The following ASCC3 variants were observed in gnomAD, a reference collection of about 807,000 sequenced individuals.
ASCC3 encodes the protein ASC-1 complex subunit P200.
Under a neutral mutation model 256.3 loss-of-function variants are expected in ASCC3, and 158 were observed. The observed-to-expected ratio is 0.62, with a 90% CI of 0.54 to 0.70. ASCC3 has a LOEUF of 0.70. Among genes scored for constraint, ASCC3 ranks in the 30% least tolerant of loss-of-function variants. The probability of loss-of-function intolerance (pLI) is 0.00; values close to 1 mark genes in which losing one functional copy is unlikely to be tolerated. For missense variants in ASCC3, 2,259 were observed against 2,626.0 expected, an observed-to-expected ratio of 0.86 and a Z score of 3.05; for synonymous variants, 948 against 883.4, an observed-to-expected ratio of 1.07 and a Z score of -1.30.
In ASCC3 at chr6:100,605,794, A is replaced by C. The variant is rs1274009668; in HGVS notation, c.5045-94T>G. Reference sequence around the variant, plus strand: ...GGCATGCTTCTATAATCAACCAAATAACAAAAGAAATAGAATATTGTGATA... The same window carrying C: ...GGCATGCTTCTATAATCAACCAAATCACAAAAGAAATAGAATATTGTGATA... On this transcript the variant is annotated intron_variant, in intron 32 of 41. Transcript: ENST00000369162. 8.1e-6 allele frequency: 11 copies of C among 1,360,326 alleles called. No individual in the cohort carries two copies. The Admixed American group carries it at 2.0e-4, about 25-fold the overall frequency. 84.3% of individuals were successfully genotyped at this position (1,360,326 alleles called of 1,614,324 possible).
chr6:100,691,631 A>G (rs1320442504), intron 13 of ASCC3, among the ~76,000 whole-genome samples: 1 of 152,018 alleles, frequency 6.6e-6, no homozygotes, highest in Non-Finnish European at 1.5e-5. Context: ...TTTATAACAT[A>G]CAGAAGAAAA....
chr6:100,775,451 ATAAATTGTGGCCGAGACGGGACC>A (rs1241398389), intron 8 of ASCC3, among the ~76,000 whole-genome samples: 2 of 152,150 alleles, frequency 1.3e-5, no homozygotes, highest in African/African-American at 4.8e-5. Context: ...TACCCTGCTA[ATAAATTGTGGCCGAGACGGGACC>A]TAAACTCAGT....
chr6:100,697,727 T>C (rs1344438924), intron 13 of ASCC3, among the ~76,000 whole-genome samples: 1 of 152,002 alleles, frequency 6.6e-6, no homozygotes, highest in East Asian at 1.9e-4. Flanking sequence ...CCCATCAATA[T>C]GACAATTGGA....
At chr6:100,857,543 T>G (rs961159309) in intron 3 of ASCC3, 16 of 152,040 alleles carry the variant, frequency 1.1e-4, no homozygotes, top group African/African-American at 3.9e-4. Context: ...TTAAAATTAT[T>G]TGTAAAATAG....
chr6:100,823,963 A>T, intron 4 of ASCC3, among the ~76,000 whole-genome samples: 1 of 152,190 alleles, frequency 6.6e-6, no homozygotes, highest in Non-Finnish European at 1.5e-5. Context: ...ACAAAATTAG[A>T]AGTAATGTTA....
rs149019597 is a variant in ASCC3, at chr6:100,718,159, T to C, written c.1995A>G (p.Pro665=). 2.9e-5 allele frequency: 47 copies of C among 1,613,718 alleles called. No homozygotes were observed. The African/African-American group carries it at 4.9e-4, about 17-fold the overall frequency. The change falls in exon 12 of 42, where the codon CCA becomes CCG. Residue 665 remains proline (P), a synonymous_variant. Coordinates refer to ENST00000369162, the MANE Select transcript of ASCC3 (RefSeq NM_006828.4). The part of the protein sequence containing the change: ...LDVATFLHVN[P]YIGLFFFDGR... The stretch of plus-strand genomic sequence containing the variant: ...CATCAAAGAAGAAAAGTCCAATGTA[T>C]GGATTAACATGTAAAAATGTGGCAA...
chr6:100,823,185 T>C (rs1262104887), intron 4 of ASCC3, among the ~76,000 whole-genome samples: 1 of 152,192 alleles, frequency 6.6e-6, no homozygotes, highest in East Asian at 1.9e-4. Context: ...ACATTTGCCA[T>C]TTTCATCCAC....
intron 32 of ASCC3, among the ~76,000 whole-genome samples, chr6:100,606,507 A>G (rs1772894783): frequency 6.6e-6 from 1 of 152,152 alleles, no homozygotes; most frequent in African/African-American, 2.4e-5. Context: ...AATAACAAGT[A>G]CTTTAAGCCA....
At chr6:100,737,141 C>T (rs373818578) in intron 10 of ASCC3, among the ~76,000 whole-genome samples, 85 of 84,962 alleles carry the variant, frequency 1.0e-3, no homozygotes, top group Admixed American at 4.3e-3. Context: ...AGTGAGACTC[C>T]GTCTATTTAA....
intron 36 of ASCC3, among the ~76,000 whole-genome samples, chr6:100,583,293 C>A (rs945683979): frequency 6.6e-6 from 1 of 152,196 alleles, no homozygotes; most frequent in Non-Finnish European, 1.5e-5. Context: ...AGAGATTCAA[C>A]TTCTTCCTGG....
intron 4 of ASCC3, among the ~76,000 whole-genome samples, chr6:100,815,239 C>A (rs892161607): frequency 1.3e-5 from 2 of 151,972 alleles, no homozygotes; most frequent in Non-Finnish European, 2.9e-5. Context: ...AAAGGAACTA[C>A]AAAACACTGC....
intron 14 of ASCC3, among the ~76,000 whole-genome samples, chr6:100,676,899 A>C (rs572681216): frequency 6.6e-6 from 1 of 152,314 alleles, no homozygotes; most frequent in Admixed American, 6.5e-5. Flanking sequence ...AATTGAGGTG[A>C]TTACATTAAA....
At chr6:100,626,668 T>C (rs1241225310) in intron 29 of ASCC3, among the ~76,000 whole-genome samples, 1 of 152,144 alleles carries the variant, frequency 6.6e-6, no homozygotes, top group Non-Finnish European at 1.5e-5. Context: ...TCTCACCCTT[T>C]TATTGTTTAT....
chr6:100,601,963 A>G, intron 33 of ASCC3, 28 bp from the exon 34 acceptor site: 3 of 1,608,394 alleles, frequency 1.9e-6, no homozygotes, highest in Non-Finnish European at 2.5e-6. Context: ...CATGGGAAGC[A>G]TACAAGAGCA....
intron 4 of ASCC3, among the ~76,000 whole-genome samples, chr6:100,822,052 A>C (rs964130831): frequency 1.8e-4 from 28 of 152,222 alleles, no homozygotes; most frequent in African/African-American, 6.0e-4. Flanking sequence ...TAAAGGTCAA[A>C]GATTTCTTTT....
intron 37 of ASCC3, chr6:100,530,651 C>A: frequency 1.2e-6 from 1 of 829,324 alleles, no homozygotes; most frequent in Non-Finnish European, 2.2e-6. Context: ...TCATGGATGG[C>A]ATGACAGAAT....
chr6:100,576,320 T>C (rs1770856061), intron 36 of ASCC3, among the ~76,000 whole-genome samples: 1 of 152,106 alleles, frequency 6.6e-6, no homozygotes, highest in South Asian at 2.1e-4. Flanking sequence ...ATAATTATTT[T>C]GTTAGTACTT....
chr6:100,665,713 C>A lies in ASCC3; in HGVS notation c.2287-3177G>T, dbSNP rs182759261. 2.0e-5 allele frequency among the ~76,000 whole-genome samples: 3 copies of A among 149,582 alleles called. No individual in the cohort carries two copies. The Admixed American group carries it at 2.0e-4, about 10-fold the overall frequency. On this transcript the variant is annotated intron_variant, in intron 14 of 41. Coordinates refer to ENST00000369162, the MANE Select transcript of ASCC3 (RefSeq NM_006828.4). Reference sequence around the variant, plus strand: ...CGAGATCACATCACTGAACTCCAGCCTGGGCGACAGAGTGAGACTCTGTCT... The same window carrying A: ...CGAGATCACATCACTGAACTCCAGCATGGGCGACAGAGTGAGACTCTGTCT...
intron 1 of ASCC3, among the ~76,000 whole-genome samples, chr6:100,869,488 TG>T (rs1773633867): frequency 6.6e-6 from 1 of 152,198 alleles, no homozygotes; most frequent in African/African-American, 2.4e-5. Flanking sequence ...ACAAGTAGGA[TG>T]ATTTGAAAAT....
Sources: gnomAD v4.1 joint callset for allele counts (sites outside exome capture counted in the v4.1 genomes callset) on GRCh38, gnomAD v4.1.1 for gene constraint, MANE v1.5 for transcripts, NCBI Gene and HGNC (gene_info 2026-07-23, HGNC 2026-07-21) for gene names.